The following HDAC1 variants were observed in gnomAD, a reference collection of about 807,000 sequenced individuals.
The protein encoded by HDAC1 is protein deacetylase HDAC1.
Under a neutral mutation model 65.5 loss-of-function variants are expected in HDAC1, and 18 were observed. The observed-to-expected ratio is 0.27, with a 90% CI of 0.19 to 0.41. The LOEUF (loss-of-function observed/expected upper bound fraction) is 0.41, where lower values mean the gene tolerates loss of function less well. Among genes scored for constraint, HDAC1 ranks in the 10% least tolerant of loss-of-function variants. HDAC1 has a pLI of 1.00. For missense variants in HDAC1, 373 were observed against 625.2 expected (o/e 0.60, Z 4.30); for synonymous variants, 211 against 227.9 (o/e 0.93, Z 0.67).
In HDAC1 at chr1:32,303,164, C is replaced by CT. The variant is rs1180609600; in HGVS notation, c.162+432dup. 1.4e-4 allele frequency among the ~76,000 whole-genome samples: 21 copies of CT among 152,188 alleles called. No individual in the cohort carries two copies. The East Asian group carries it at 3.9e-3, about 28-fold the overall frequency. ...TTCCAGCTTGGGGGGCAGAGCAAGA[C>CT]TCTGTCTTAAAAAAACAAAGCCAGG... On this transcript the variant is annotated intron_variant, in intron 2 of 13. Coordinates refer to ENST00000373548, the MANE Select transcript of HDAC1 (RefSeq NM_004964.3).
In HDAC1 at chr1:32,327,246, C is replaced by A. The variant is rs916128887; in HGVS notation, c.494+169C>A. ...CTCCTTGATGGGGTCTTGGTTTGATCTGAGCCACGGCATGATCAGGGGCAG... is the reference window on the plus strand; with the variant it reads ...CTCCTTGATGGGGTCTTGGTTTGATATGAGCCACGGCATGATCAGGGGCAG... On this transcript the variant is annotated intron_variant, in intron 5 of 13. Coordinates refer to ENST00000373548, the MANE Select transcript of HDAC1 (RefSeq NM_004964.3). This position sits in a 1 kb window ranked among gnomAD's most constrained non-coding sequence, Gnocchi z 6.0. 3.0e-6 allele frequency: 2 copies of A among 669,522 alleles called. No homozygotes were observed. The highest frequency in any genetic ancestry group is 1.8e-5 in the African/African-American group (1 of 55,374). 41.5% of individuals were successfully genotyped at this position (669,522 alleles called of 1,614,324 possible).
At chr1:32,326,394 A>G (rs1641217915) in intron 4 of HDAC1, among the ~76,000 whole-genome samples, 1 of 151,982 alleles carries the variant, frequency 6.6e-6, no homozygotes, top group South Asian at 2.1e-4. Flanking sequence ...CGAACTCTTG[A>G]CCTCAGGTGA....
At chr1:32,325,215 A>G (rs1570035064) in intron 4 of HDAC1, among the ~76,000 whole-genome samples, 1 of 152,298 alleles carries the variant, frequency 6.6e-6, no homozygotes, top group East Asian at 1.9e-4. Context: ...AAAGTATGGT[A>G]ATTACCTTTA....
intron 3 of HDAC1, among the ~76,000 whole-genome samples, chr1:32,321,912 A>G (rs1641151451): frequency 6.6e-6 from 1 of 152,094 alleles, no homozygotes; most frequent in Non-Finnish European, 1.5e-5. Context: ...CAAAGTTCTT[A>G]TTTACACAGC....
At chr1:32,301,981 T>C (rs1302837291) in intron 1 of HDAC1, among the ~76,000 whole-genome samples, 4 of 152,186 alleles carry the variant, frequency 2.6e-5, no homozygotes, top group African/African-American at 4.8e-5. Flanking sequence ...AAGGATTTTT[T>C]GAGCGAAGGA....
chr1:32,292,538 G>C, intron 1 of HDAC1: 1 of 604,712 alleles, frequency 1.7e-6, no homozygotes, highest in Non-Finnish European at 2.1e-6. Context: ...GAATCTGATG[G>C]AGACGGCTGC....
At chr1:32,309,510 A>G (rs1244470901) in intron 2 of HDAC1, among the ~76,000 whole-genome samples, 4 of 152,040 alleles carry the variant, frequency 2.6e-5, no homozygotes, top group Non-Finnish European at 5.9e-5. Context: ...AACATGGTGA[A>G]ACCCTCTCTC....
intron 2 of HDAC1, among the ~76,000 whole-genome samples, chr1:32,308,815 G>T (rs1193937665): frequency 6.6e-6 from 1 of 151,082 alleles, no homozygotes; most frequent in Non-Finnish European, 1.5e-5. Context: ...ACGGCGCCTG[G>T]CCCGTTTTAT....
chr1:32,320,440 G>A (rs1641124684), intron 3 of HDAC1, among the ~76,000 whole-genome samples: 1 of 151,974 alleles, frequency 6.6e-6, no homozygotes, highest in Non-Finnish European at 1.5e-5. Flanking sequence ...GGGGGCTTTT[G>A]GTGAAAACAT....
Position 32,329,555 on chromosome 1 carries a change from A to C in HDAC1, c.729+395A>C. 1 of 280,474 alleles carries C rather than the reference A, an allele frequency of 3.6e-6. No individual in the cohort carries two copies. The highest frequency in any genetic ancestry group is 6.9e-6 in the Non-Finnish European group (1 of 143,972). 17.4% of individuals were successfully genotyped at this position (280,474 alleles called of 1,614,324 possible). A position where few individuals can be genotyped will look rare whatever the true frequency, so the allele number is the denominator to read the frequency against. ...TTTTTTGTGTTCCTCATTGCCTTAC[A>C]TTGATGTCTGCACATTAGAAGAAGT... On this transcript the variant is annotated intron_variant, in intron 7 of 13. Transcript: ENST00000373548. The surrounding 1 kb of genome is among the most constrained non-coding windows in gnomAD (Gnocchi z 4.1).
chr1:32,320,979 T>A (rs1482286954), intron 3 of HDAC1, among the ~76,000 whole-genome samples: 3 of 127,970 alleles, frequency 2.3e-5, no homozygotes, highest in African/African-American at 8.8e-5. Context: ...AAAAATAATA[T>A]AATGCACTTT....
In HDAC1 at chr1:32,309,691, A is replaced by C. The variant is rs931942574; in HGVS notation, c.162+6958A>C. ...AACAGAGCGAGTCTCAAAAAAAAAA[A>C]AAAAAAAAAAACAAGCCTTGCTCTG... On this transcript the variant is annotated intron_variant, in intron 2 of 13. Coordinates refer to ENST00000373548, the MANE Select transcript of HDAC1 (RefSeq NM_004964.3). 4.0e-5 allele frequency among the ~76,000 whole-genome samples: 6 copies of C among 148,402 alleles called. No individual in the cohort carries two copies. In the East Asian group the frequency reaches 5.8e-4, roughly 14 times the overall value.
At chr1:32,326,876 G>A in intron 4 of HDAC1, 63 bp from the exon 5 acceptor site, 1 of 1,590,626 alleles carries the variant, frequency 6.3e-7, no homozygotes. Flanking sequence ...GGTTCCCTGG[G>A]CTTCTTGGAG....
intron 3 of HDAC1, 36 bp from the exon 4 acceptor site, chr1:32,324,443 A>G: frequency 7.0e-7 from 1 of 1,422,420 alleles, no homozygotes; most frequent in Non-Finnish European, 9.9e-7. Context: ...ACTAAAGGAA[A>G]TTGTGGAAAC....
chr1:32,326,846 C>G (rs1289228759), intron 4 of HDAC1, 93 bp from the exon 5 acceptor site: 25 of 1,331,788 alleles, frequency 1.9e-5, no homozygotes, highest in Non-Finnish European at 2.6e-5. Flanking sequence ...GTTGAATAGG[C>G]AGGTCTTAAC....
chr1:32,332,629 A>G, intron 12 of HDAC1, 72 bp from the exon 13 acceptor site: 4 of 1,092,088 alleles, frequency 3.7e-6, no homozygotes, highest in East Asian at 2.6e-5. Context: ...AAGGGGTCTC[A>G]GGGTAAATGA....
chr1:32,322,337 T>C (rs1032033383), intron 3 of HDAC1, among the ~76,000 whole-genome samples: 1 of 150,688 alleles, frequency 6.6e-6, no homozygotes, highest in Middle Eastern at 3.2e-3. Context: ...AATGCAGGGG[T>C]GCAATCTTGG....
intron 2 of HDAC1, among the ~76,000 whole-genome samples, chr1:32,306,046 C>G (rs1640905997): frequency 6.6e-6 from 1 of 152,102 alleles, no homozygotes; most frequent in Non-Finnish European, 1.5e-5. Flanking sequence ...TGTTTATTGA[C>G]CCATATGCCA....
intron 3 of HDAC1, among the ~76,000 whole-genome samples, chr1:32,323,851 G>A (rs535378016): frequency 6.6e-6 from 1 of 152,316 alleles, no homozygotes; most frequent in Admixed American, 6.5e-5. Context: ...CTTGCCCCTT[G>A]TTTGTCAGCT....
Sources: allele counts gnomAD v4.1 joint callset (sites outside exome capture counted in the v4.1 genomes callset), GRCh38; gene constraint gnomAD v4.1.1; non-coding constraint Gnocchi (gnomAD v3.1); transcripts MANE v1.5; gene names NCBI Gene and HGNC (gene_info 2026-07-23, HGNC 2026-07-21).